Variants in SNPH observed in about 807,000 individuals in gnomAD.
SNPH encodes syntaphilin.
In SNPH, 10 loss-of-function variants were observed where a neutral mutation model predicts 36.8. The observed-to-expected ratio is 0.27, with a 90% confidence interval of 0.17 to 0.46. The LOEUF (loss-of-function observed/expected upper bound fraction) is 0.46. SNPH is among the 20% of genes least tolerant of loss of function. The probability of loss-of-function intolerance (pLI) is 1.00; values close to 1 mark genes in which losing one functional copy is unlikely to be tolerated. For missense variants in SNPH, 622 were observed against 744.0 expected (o/e 0.84, Z 1.91); for synonymous variants, 281 against 312.2 (o/e 0.90, Z 1.05).
At chr20:1,288,911 C>T (rs554487390) in intron 2 of SNPH, among the ~76,000 whole-genome samples, 92 of 152,078 alleles carry the variant, frequency 6.0e-4, no homozygotes, top group African/African-American at 1.8e-3. Context: ...TGTGAGCCAC[C>T]GTGTCTGGCC....
intron 2 of SNPH, among the ~76,000 whole-genome samples, chr20:1,281,998 ACAGGG>A (rs1262747127): frequency 6.6e-6 from 1 of 152,276 alleles, no homozygotes; most frequent in Non-Finnish European, 1.5e-5. Context: ...GATACTTGCC[ACAGGG>A]CCGGAGAGAC....
At chr20:1,278,009 TGTCA>T (rs1332901553) in intron 2 of SNPH, among the ~76,000 whole-genome samples, 2 of 150,744 alleles carry the variant, frequency 1.3e-5, no homozygotes, top group African/African-American at 2.4e-5. Context: ...TCTGTGTGTG[TGTCA>T]GTGTCTATGT....
At chr20:1,274,443 G>A (rs907052027) in intron 2 of SNPH, among the ~76,000 whole-genome samples, 3 of 152,122 alleles carry the variant, frequency 2.0e-5, no homozygotes, top group African/African-American at 7.2e-5. Context: ...ACATAGGGCT[G>A]GATGTTCTAG....
At chr20:1,289,786 G>A (rs1046690688) in intron 2 of SNPH, among the ~76,000 whole-genome samples, 4 of 57,660 alleles carry the variant, frequency 6.9e-5, no homozygotes, top group African/African-American at 2.6e-4. Context: ...CTATGATTTT[G>A]TCACTGCACT....
At position 1,304,346 on chromosome 20, in the gene SNPH, C is replaced by A. The variant is rs141694676; in HGVS notation, c.441-532C>A. Among the ~76,000 whole-genome samples, 1 of 152,264 alleles carries A rather than the reference C, an allele frequency of 6.6e-6. No individual in the cohort carries two copies. Among genetic ancestry groups the A allele is most frequent in the East Asian group, 1.9e-4 (1 of 5,186 alleles). On this transcript the variant is annotated intron_variant, in intron 6 of 6. Transcript: ENST00000381867. This position sits in a 1 kb window ranked among gnomAD's most constrained non-coding sequence, Gnocchi z 4.3. ...AGCCTCCCCCAACATTGAAAGCTGTCATTTCTCTCCCCTGGGGTCTCTGGC... is the reference window on the plus strand; with the variant it reads ...AGCCTCCCCCAACATTGAAAGCTGTAATTTCTCTCCCCTGGGGTCTCTGGC...
In SNPH at chr20:1,305,845, A is replaced by G; in HGVS notation, c.1408A>G (p.Ile470Val). The G allele has an allele frequency of 6.3e-7, 1 of 1,594,274 alleles. No individual in the cohort carries two copies. The highest frequency in any genetic ancestry group is 8.5e-7 in the Non-Finnish European group (1 of 1,171,110). The change falls in exon 7 of 7, where the codon ATC becomes GTC. Residue 470 changes from isoleucine to valine, a missense_variant. Coordinates refer to ENST00000381867, the MANE Select transcript of SNPH (RefSeq NM_001318234.2). ...EPKSYWSRHY[I>V]VDLLAVVVPA... is the part of the protein sequence containing the mutation. Reference sequence around the variant, plus strand: ...CAAGAGCTACTGGAGCCGCCACTACATCGTGGATCTGCTGGCTGTGGTGGT... The same window carrying G: ...CAAGAGCTACTGGAGCCGCCACTACGTCGTGGATCTGCTGGCTGTGGTGGT...
chr20:1,269,900 G>T (rs1287955594), intron 2 of SNPH, among the ~76,000 whole-genome samples: 2 of 152,220 alleles, frequency 1.3e-5, no homozygotes, highest in Non-Finnish European at 2.9e-5. Flanking sequence ...TTATAAGTGA[G>T]AAAGCCAGGG....
At position 1,306,175 on chromosome 20, in the gene SNPH, T is replaced by C; in HGVS notation, c.*121T>C. ...TTAGTTTTGGGTGTGGAACTGTTTC[T>C]TTTTTTCAAGATGTTAAAACAGTCC... is the stretch of plus-strand genomic sequence containing the variant. On this transcript the variant is annotated 3_prime_UTR_variant, in exon 7 of 7. Coordinates refer to ENST00000381867, the MANE Select transcript of SNPH (RefSeq NM_001318234.2). 2 of 888,670 alleles carry C rather than the reference T, an allele frequency of 2.3e-6. No homozygotes were observed. Among genetic ancestry groups the C allele is most frequent in the Non-Finnish European group, 3.1e-6 (2 of 638,654 alleles). The allele number at this position is 888,670 out of a possible 1,614,324, so 55.0% of individuals were successfully genotyped here. A position where few individuals can be genotyped will look rare whatever the true frequency, so the allele number is the denominator to read the frequency against.
At chr20:1,291,038 G>A (rs912837339) in intron 2 of SNPH, among the ~76,000 whole-genome samples, 1 of 152,220 alleles carries the variant, frequency 6.6e-6, no homozygotes, top group African/African-American at 2.4e-5. Context: ...TGGGGGAGGA[G>A]GCCCAAGCCA....
chr20:1,281,897 A>G (rs1056490283), intron 2 of SNPH, among the ~76,000 whole-genome samples: 2 of 152,268 alleles, frequency 1.3e-5, no homozygotes, highest in East Asian at 1.9e-4. Context: ...CTTGCTTTCA[A>G]TCTGGGAGCT....
chr20:1,275,146 C>T (rs2088116868), intron 2 of SNPH, among the ~76,000 whole-genome samples: 1 of 152,226 alleles, frequency 6.6e-6, no homozygotes, highest in African/African-American at 2.4e-5. Flanking sequence ...CTGGGAGCCA[C>T]TCGCTTCCTC....
chr20:1,305,642 C>T lies in SNPH; in HGVS notation c.1205C>T (p.Pro402Leu). 4 of 1,613,410 alleles carry T rather than the reference C, an allele frequency of 2.5e-6. No homozygotes were observed. The highest frequency in any genetic ancestry group is 3.4e-6 in the Non-Finnish European group (4 of 1,179,938). Residue 402 changes from proline (P) to leucine (L), a missense_variant, in exon 7 of 7, where the codon CCC becomes CTC. This residue lies in a region of SNPH where 379 missense variants were observed against 427.9 expected (regional missense o/e 0.89). Coordinates refer to ENST00000381867, the MANE Select transcript of SNPH (RefSeq NM_001318234.2). ...CPELDAHPSG[P>L]RDPNSAVVVT... ...GAGCTGGATGCCCACCCTTCAGGGC[C>T]CAGAGACCCCAACTCAGCAGTGGTG...
intron 2 of SNPH, among the ~76,000 whole-genome samples, chr20:1,288,551 G>A (rs546309962): frequency 2.6e-5 from 4 of 152,280 alleles, no homozygotes; most frequent in East Asian, 1.9e-4. Context: ...CTTTGCCTGC[G>A]AGGCTGATTC....
chr20:1,306,030 A>G lies in SNPH; in HGVS notation c.1593A>G (p.Pro531=), dbSNP rs771572314. 3.4e-6 allele frequency: 5 copies of G among 1,485,738 alleles called. No homozygotes were observed. The highest frequency in any genetic ancestry group is 4.5e-6 in the Non-Finnish European group (5 of 1,118,562). 92.0% of individuals were successfully genotyped at this position (1,485,738 alleles called of 1,614,324 possible). The stretch of plus-strand genomic sequence containing the variant: ...CGCTGAGCCAGCCGAGTCCCAGCCC[A>G]GCGGGCGGCGGCTCCCAGCTCTGAG... ...CRSLSQPSPS[P]AGGGSQL Residue 531 remains proline (P), a synonymous_variant, in exon 7 of 7, where the codon CCA becomes CCG. Coordinates refer to ENST00000381867, the MANE Select transcript of SNPH (RefSeq NM_001318234.2).
rs549694083 is a variant in SNPH, at chr20:1,276,170, T to C, written c.-493+9410T>C. ...GGGCCCAGATTGGAGCTGTAGACCA[T>C]TTGAGCCAACTGTCTGTGGCTTCCT... On this transcript the variant is annotated intron_variant, in intron 2 of 6. Coordinates refer to ENST00000381867, the MANE Select transcript of SNPH (RefSeq NM_001318234.2). The surrounding 1 kb of genome is among the most constrained non-coding windows in gnomAD (Gnocchi z 4.6). Among the ~76,000 whole-genome samples the C allele has an allele frequency of 1.3e-5, 2 of 152,214 alleles. No individual in the cohort carries two copies. Among genetic ancestry groups the C allele is most frequent in the African/African-American group, 4.8e-5 (2 of 41,560 alleles).
At chr20:1,274,732 TG>T (rs1217742583) in intron 2 of SNPH, among the ~76,000 whole-genome samples, 1 of 152,204 alleles carries the variant, frequency 6.6e-6, no homozygotes, top group Non-Finnish European at 1.5e-5. Flanking sequence ...CTCTCTAGTC[TG>T]GCTAGGCCAT....
intron 2 of SNPH, among the ~76,000 whole-genome samples, chr20:1,273,101 G>A (rs1245890849): frequency 6.6e-6 from 1 of 152,174 alleles, no homozygotes; most frequent in East Asian, 1.9e-4. Context: ...AGCCACGCCG[G>A]CCTTGCAGCA....
intron 2 of SNPH, among the ~76,000 whole-genome samples, chr20:1,287,251 A>G (rs1285227284): frequency 6.6e-6 from 1 of 152,164 alleles, no homozygotes; most frequent in East Asian, 1.9e-4. Context: ...TGTGGTCAGC[A>G]TGGATATTCC....
chr20:1,271,002 G>C (rs969001837), intron 2 of SNPH, among the ~76,000 whole-genome samples: 1 of 152,222 alleles, frequency 6.6e-6, no homozygotes, highest in African/African-American at 2.4e-5. Context: ...CTCAAGCCAA[G>C]GGCCATGGAG....
Sources: allele counts gnomAD v4.1 joint callset (sites outside exome capture counted in the v4.1 genomes callset), GRCh38; gene constraint gnomAD v4.1.1; regional missense constraint gnomAD v4.1.1; non-coding constraint Gnocchi (gnomAD v3.1); transcripts MANE v1.5; gene names NCBI Gene and HGNC (gene_info 2026-07-23, HGNC 2026-07-21).